PAK5: variants seen among roughly 807,000 people sequenced by gnomAD.
PAK5 encodes p21 (RAC1) activated kinase 5, also known as serine/threonine-protein kinase PAK 5.
A neutral mutation model predicts 65.9 loss-of-function variants in PAK5; 16 were observed. The observed-to-expected ratio is 0.24, with a 90% CI of 0.16 to 0.37. The LOEUF is 0.37. Among genes scored for constraint, PAK5 ranks in the 10% least tolerant of loss-of-function variants. PAK5 has a pLI of 1.00. For missense variants in PAK5, 785 were observed against 903.9 expected, an observed-to-expected ratio of 0.87 and a Z score of 1.69; for synonymous variants, 371 against 354.9, an observed-to-expected ratio of 1.05 and a Z score of -0.51.
chr20:9,580,378 T>C lies in PAK5; in HGVS notation c.757A>G (p.Ser253Gly), dbSNP rs1378424448. The C allele has an allele frequency of 1.2e-6, 2 of 1,614,068 alleles. No homozygotes were observed. The highest frequency in any genetic ancestry group is 1.7e-5 in the Admixed American group (1 of 60,008). The stretch of plus-strand genomic sequence containing the variant: ...AGGCTGGGTCCCCATTCACTTTCAC[T>C]GTACGCCAGGCTCTCCTTGGAGCAC... Reference protein sequence around the residue: ...SGCSKESLAYSESEWGPSLDD... With the variant: ...SGCSKESLAYGESEWGPSLDD... Residue 253 changes from serine to glycine, a missense_variant, in exon 4 of 10, where the codon AGT (serine) becomes GGT (glycine). By Grantham distance (56) the Ser-to-Gly change is moderately conservative (BLOSUM62 0). This residue lies in a region of PAK5 where 422 missense variants were observed against 413.3 expected (regional missense o/e 1.02). Coordinates refer to ENST00000353224, the MANE Select transcript of PAK5 (RefSeq NM_177990.4).
At chr20:9,763,832 T>C (rs1202636585) in intron 1 of PAK5, among the ~76,000 whole-genome samples, 1 of 152,178 alleles carries the variant, frequency 6.6e-6, no homozygotes, top group African/African-American at 2.4e-5. Context: ...TGTATGTGTG[T>C]ATATTGTGTT....
chr20:9,800,146 G>A (rs80352299), intron 1 of PAK5, among the ~76,000 whole-genome samples: 2 of 151,938 alleles, frequency 1.3e-5, no homozygotes, highest in African/African-American at 4.8e-5. Flanking sequence ...AGGCTTCTTA[G>A]CCAAGGTTGA....
At chr20:9,829,891 C>T (rs1371136093) in intron 1 of PAK5, among the ~76,000 whole-genome samples, 1 of 152,202 alleles carries the variant, frequency 6.6e-6, no homozygotes, top group Non-Finnish European at 1.5e-5. Context: ...CTTTGCTCCC[C>T]TCCCCATCCC....
intron 3 of PAK5, among the ~76,000 whole-genome samples, chr20:9,613,683 T>G (rs999016276): frequency 5.3e-5 from 8 of 152,310 alleles, no homozygotes; most frequent in African/African-American, 1.9e-4. Context: ...GTTTTTAATT[T>G]TTTTGCAGAG....
chr20:9,656,685 T>C (rs2047272744), intron 2 of PAK5, among the ~76,000 whole-genome samples: 1 of 152,188 alleles, frequency 6.6e-6, no homozygotes, highest in South Asian at 2.1e-4. Context: ...GCCTCAGCTT[T>C]TCAATAAAGT....
At chr20:9,546,886 T>A (rs2045352989) in intron 7 of PAK5, among the ~76,000 whole-genome samples, 1 of 152,202 alleles carries the variant, frequency 6.6e-6, no homozygotes, top group Non-Finnish European at 1.5e-5. Flanking sequence ...ATCCAGCATT[T>A]ACAAACGTGG....
chr20:9,648,772 A>G (rs1471400521), intron 2 of PAK5, among the ~76,000 whole-genome samples: 3 of 152,190 alleles, frequency 2.0e-5, no homozygotes, highest in Non-Finnish European at 4.4e-5. Context: ...TGTGAGAGCA[A>G]TGTATGGCTG....
At chr20:9,622,384 C>A (rs1301471955) in intron 3 of PAK5, among the ~76,000 whole-genome samples, 1 of 152,184 alleles carries the variant, frequency 6.6e-6, no homozygotes, top group African/African-American at 2.4e-5. Context: ...AGCTCCATAT[C>A]TCCATGTATC....
At chr20:9,590,300 T>C (rs2046145250) in intron 3 of PAK5, among the ~76,000 whole-genome samples, 1 of 152,164 alleles carries the variant, frequency 6.6e-6, no homozygotes, top group Admixed American at 6.5e-5. Flanking sequence ...TACTAGGAAA[T>C]GTAAAATTAA....
chr20:9,556,018 G>C (rs986947218), intron 7 of PAK5, among the ~76,000 whole-genome samples: 2 of 152,230 alleles, frequency 1.3e-5, no homozygotes, highest in Non-Finnish European at 2.9e-5. Context: ...GCAGAGATGA[G>C]CTGGTACAGA....
intron 2 of PAK5, among the ~76,000 whole-genome samples, chr20:9,694,174 T>G (rs1376992622): frequency 6.6e-6 from 1 of 152,060 alleles, no homozygotes; most frequent in Non-Finnish European, 1.5e-5. Context: ...GACTGATAGC[T>G]GCAAAAAATC....
At chr20:9,589,773 C>T (rs552165501) in intron 3 of PAK5, among the ~76,000 whole-genome samples, 16 of 152,066 alleles carry the variant, frequency 1.1e-4, no homozygotes, top group Admixed American at 2.0e-4. Context: ...CGGGTTCAAG[C>T]GATTCTCATG....
intron 1 of PAK5, among the ~76,000 whole-genome samples, chr20:9,729,066 T>G (rs114704707): frequency 0.073 from 11,154 of 152,038 alleles, 440 homozygotes; most frequent in Middle Eastern, 0.11. Context: ...CTAAAATTAT[T>G]TCATAAAAAT....
At position 9,705,383 on chromosome 20, in the gene PAK5, CAATT is replaced by C. The variant is rs1366954176; in HGVS notation, c.-12+5899_-12+5902del. Among the ~76,000 whole-genome samples, 3 of 152,122 alleles carry C rather than the reference CAATT, an allele frequency of 2.0e-5. No homozygotes were observed. The East Asian group carries it at 5.8e-4, about 29-fold the overall frequency. ...TTACAGCAAGATTCCATTTCACACT[CAATT>C]GATTGGCAAAAATTAAGATATCAAG... On this transcript the variant is annotated intron_variant, in intron 2 of 9. Transcript: ENST00000353224.
At chr20:9,762,695 G>A (rs189946224) in intron 1 of PAK5, among the ~76,000 whole-genome samples, 7 of 152,164 alleles carry the variant, frequency 4.6e-5, no homozygotes, top group Admixed American at 4.6e-4. Flanking sequence ...CATCCATTAT[G>A]GAAAACAGTA....
intron 1 of PAK5, among the ~76,000 whole-genome samples, chr20:9,765,592 A>G (rs1330749620): frequency 6.6e-6 from 1 of 152,150 alleles, no homozygotes; most frequent in African/African-American, 2.4e-5. Flanking sequence ...AAAACTGGCC[A>G]TGATGGGAGT....
intron 1 of PAK5, among the ~76,000 whole-genome samples, chr20:9,788,614 T>C (rs535992684): frequency 1.3e-5 from 2 of 152,198 alleles, no homozygotes; most frequent in South Asian, 2.1e-4. Context: ...CAGCATCACA[T>C]ACAGTGCCTT....
intron 1 of PAK5, among the ~76,000 whole-genome samples, chr20:9,764,483 T>C (rs1301417329): frequency 6.6e-6 from 1 of 152,202 alleles, no homozygotes; most frequent in Non-Finnish European, 1.5e-5. Context: ...AATGTGGGTA[T>C]ATCACTTTGA....
chr20:9,640,333 T>C (rs2047037922), intron 3 of PAK5, among the ~76,000 whole-genome samples: 1 of 151,680 alleles, frequency 6.6e-6, no homozygotes, highest in Non-Finnish European at 1.5e-5. Context: ...GTCCTTGTGA[T>C]AGTTTGCTGA....
Sources: gnomAD v4.1 joint callset for allele counts (sites outside exome capture counted in the v4.1 genomes callset) on GRCh38, gnomAD v4.1.1 for gene constraint, gnomAD v4.1.1 regional missense constraint, MANE v1.5 for transcripts, NCBI Gene and HGNC (gene_info 2026-07-23, HGNC 2026-07-21) for gene names.